FRMPD4: variants seen among roughly 807,000 people sequenced by gnomAD.
FRMPD4 encodes the protein FERM and PDZ domain-containing protein 4.
FRMPD4 carries 22 observed loss-of-function variants against 94.1 expected under a neutral mutation model. That is an observed-to-expected ratio of 0.23 (90% CI 0.17 to 0.33). The LOEUF (loss-of-function observed/expected upper bound fraction) is 0.33, where lower values mean the gene tolerates loss of function less well. Among genes scored for constraint, FRMPD4 ranks in the 10% least tolerant of loss-of-function variants. The pLI is 1.00. For missense variants in FRMPD4, 1,111 were observed against 1,339.9 expected (o/e 0.83, Z 2.67); for synonymous variants, 631 against 548.6 (o/e 1.15, Z -2.10).
intron 3 of FRMPD4, among the ~76,000 whole-genome samples, chrX:11,935,269 G>GTTTT (rs1234166611): frequency 0.031 from 155 of 5,002 alleles, 52 homozygotes; most frequent in Non-Finnish European, 0.038. Context: ...TTTTTAATGT[G>GTTTT]TTTTTTTTTT....
rs753152938 is a variant in FRMPD4, at chrX:12,631,250, G to A, written c.422+16369G>A. 7.2e-5 allele frequency among the ~76,000 whole-genome samples: 8 copies of A among 111,460 alleles called. No individual in the cohort carries two copies. The East Asian group carries it at 2.2e-3, about 31-fold the overall frequency. On this transcript the variant is annotated intron_variant, in intron 4 of 16. Transcript: ENST00000675598. ...GCACACATTATGTTTTATTAATTAT[G>A]TTAGCCTTCAGGCCTACCACTGTAC... is the stretch of plus-strand genomic sequence containing the variant.
At chrX:12,029,902 T>C (rs2054681956) in intron 3 of FRMPD4, among the ~76,000 whole-genome samples, 1 of 111,659 alleles carries the variant, frequency 9.0e-6, no homozygotes, top group African/African-American at 3.2e-5. Context: ...ATAGGGCATA[T>C]ATACCAAGGG....
chrX:12,226,752 C>A (rs916509360), intron 1 of FRMPD4, among the ~76,000 whole-genome samples: 1 of 111,255 alleles, frequency 9.0e-6, no homozygotes, highest in African/African-American at 3.3e-5. Flanking sequence ...AGGAAAGGAA[C>A]CCTGAGCCTA....
At chrX:12,302,701 C>T (rs1457284278) in intron 1 of FRMPD4, among the ~76,000 whole-genome samples, 1 of 111,777 alleles carries the variant, frequency 8.9e-6, no homozygotes, top group African/African-American at 3.2e-5. Context: ...GTGGCTATTG[C>T]TCAAAGAGCT....
chrX:12,638,111 C>T (rs1397337132), intron 4 of FRMPD4, among the ~76,000 whole-genome samples: 3 of 112,368 alleles, frequency 2.7e-5, no homozygotes, highest in African/African-American at 6.5e-5. Flanking sequence ...AACAGTATTA[C>T]ACTAGACACA....
At chrX:11,953,891 G>A (rs1160125260) in intron 3 of FRMPD4, among the ~76,000 whole-genome samples, 3 of 111,850 alleles carry the variant, frequency 2.7e-5, no homozygotes, top group Non-Finnish European at 3.8e-5. Context: ...TGTCTGGCCT[G>A]TCCTAGGTAA....
chrX:12,066,722 C>T (rs1477546975), intron 3 of FRMPD4, among the ~76,000 whole-genome samples: 1 of 108,586 alleles, frequency 9.2e-6, no homozygotes, highest in Non-Finnish European at 1.9e-5. Flanking sequence ...AAAAAAAAAT[C>T]TGGATGGTTT....
chrX:12,481,964 A>C (rs1364457033), intron 1 of FRMPD4, among the ~76,000 whole-genome samples: 2 of 99,332 alleles, frequency 2.0e-5, no homozygotes, highest in Non-Finnish European at 4.1e-5. Flanking sequence ...AAAAAAAAAA[A>C]AAAAAAAGAA....
chrX:12,269,695 T>C (rs2054325986), intron 1 of FRMPD4, among the ~76,000 whole-genome samples: 1 of 111,791 alleles, frequency 8.9e-6, no homozygotes, highest in South Asian at 3.7e-4. Context: ...TGGGTGGAGA[T>C]GAGGGATGCT....
chrX:12,382,472 C>CTAGCATAGCATAGCA (rs201285510), intron 1 of FRMPD4, among the ~76,000 whole-genome samples: 26 of 80,876 alleles, frequency 3.2e-4, no homozygotes, highest in African/African-American at 1.3e-3. Context: ...GGTGACTCTC[C>CTAGCATAGCATAGCA]TAGCATAGCA....
At chrX:12,370,339 T>C (rs1408977983) in intron 1 of FRMPD4, among the ~76,000 whole-genome samples, 2 of 112,093 alleles carry the variant, frequency 1.8e-5, no homozygotes, top group Non-Finnish European at 3.8e-5. Context: ...AAATATAAAA[T>C]TTTTGAACTG....
intron 1 of FRMPD4, among the ~76,000 whole-genome samples, chrX:12,177,995 T>C (rs1294908820): frequency 8.9e-6 from 1 of 112,063 alleles, no homozygotes; most frequent in Non-Finnish European, 1.9e-5. Flanking sequence ...TCAGTGTGTG[T>C]GTCCTTCACA....
rs376580047 is a variant in FRMPD4, at chrX:12,109,989, A to G, written c.95+231971A>G. On this transcript the variant is annotated intron_variant, in intron 3 of 18. Transcript: ENST00000640291. ...GATTCACAGCTGAATTCTACCAGAG[A>G]TACAAGGAGGAGCTGGTACCATTCC... is the stretch of plus-strand genomic sequence containing the variant. Among the ~76,000 whole-genome samples the G allele has an allele frequency of 8.7e-4, 97 of 111,804 alleles. 1 individual carries two copies. Among genetic ancestry groups the G allele is most frequent in the African/African-American group, 3.1e-3 (95 of 30,766 alleles).
chrX:12,312,131 C>T (rs2055040038), intron 1 of FRMPD4, among the ~76,000 whole-genome samples: 1 of 109,972 alleles, frequency 9.1e-6, no homozygotes, highest in African/African-American at 3.3e-5. Flanking sequence ...ATTCTTTCTT[C>T]AGCTCTGCTT....
intron 4 of FRMPD4, among the ~76,000 whole-genome samples, chrX:12,647,692 T>A (rs978303234): frequency 9.8e-5 from 11 of 112,127 alleles, no homozygotes; most frequent in African/African-American, 3.6e-4. Context: ...TCTGAGCCCT[T>A]GCCCTTCTCT....
At chrX:12,584,584 T>C (rs1428701432) in intron 2 of FRMPD4, among the ~76,000 whole-genome samples, 5 of 111,887 alleles carry the variant, frequency 4.5e-5, no homozygotes, top group Non-Finnish European at 9.4e-5. Context: ...TCCTTTACAA[T>C]AGAGACTTGG....
At chrX:12,206,714 T>C (rs1013925014) in intron 1 of FRMPD4, among the ~76,000 whole-genome samples, 2 of 112,000 alleles carry the variant, frequency 1.8e-5, no homozygotes, top group African/African-American at 6.5e-5. Flanking sequence ...TGGTAGCAGC[T>C]GTGATATCCT....
chrX:11,830,155 A>G (rs891355005), intron 1 of FRMPD4, among the ~76,000 whole-genome samples: 4 of 111,789 alleles, frequency 3.6e-5, no homozygotes, highest in Non-Finnish European at 7.5e-5. Flanking sequence ...TGATCTGGAG[A>G]TATAACTATA....
chrX:12,432,294 A>T (rs755690425), intron 1 of FRMPD4, among the ~76,000 whole-genome samples: 1 of 112,436 alleles, frequency 8.9e-6, no homozygotes. Flanking sequence ...AGTACTTAAC[A>T]TCCAAAATAG....
Sources: allele counts gnomAD v4.1 joint callset (sites outside exome capture counted in the v4.1 genomes callset), GRCh38; gene constraint gnomAD v4.1.1; transcripts MANE v1.5; gene names NCBI Gene and HGNC (gene_info 2026-07-23, HGNC 2026-07-21).